The following ZNF875 variants were observed in gnomAD, a reference collection of about 807,000 sequenced individuals.
ZNF875 encodes the protein HKR1, GLI-Kruppel zinc finger family member.
In ZNF875, 14 loss-of-function variants were observed where a neutral mutation model predicts 11.2. The observed-to-expected ratio is 1.26, with a 90% CI of 0.83 to 1.96. The LOEUF (loss-of-function observed/expected upper bound fraction) is 1.96, where lower values mean the gene tolerates loss of function less well. Ranked by LOEUF, ZNF875 falls within the 30% of genes most tolerant of loss-of-function variation. The pLI, the probability that ZNF875 is intolerant of heterozygous loss-of-function variation, is 0.00. For synonymous variants in ZNF875, 301 were observed against 281.1 expected, an observed-to-expected ratio of 1.07 and a Z score of -0.71; for missense variants, 752 against 760.4, an observed-to-expected ratio of 0.99 and a Z score of 0.13.
rs1386784851 is a variant in ZNF875 at position 37,362,843 on chromosome 19, ACACAC to A, written c.992_996del (p.Thr331IlefsTer16). ...GTCGAACCTCTTTACACATCAGCGG[ACACAC>A]TCAGGGCTCAAGCCTTATGTGTGCA... On this transcript the variant is annotated frameshift_variant, in exon 5 of 5. Coordinates refer to ENST00000392153, the MANE Select transcript of ZNF875 (RefSeq NM_001353803.2). LOFTEE classifies it low-confidence loss of function (END_TRUNC). 6.2e-7 allele frequency: 1 copy of A among 1,614,050 alleles called. No individual in the cohort carries two copies. The highest frequency in any genetic ancestry group is 1.1e-5 in the South Asian group (1 of 91,064).
chr19:37,363,270 C>T lies in ZNF875; in HGVS notation c.1418C>T (p.Thr473Met), dbSNP rs761515101. The stretch of plus-strand genomic sequence containing the variant: ...CTTAACAAACACCAGAGGTCACACA[C>T]GGGGGAGAAGCCATTTGTATGTACG... ...SNLNKHQRSHTGEKPFVCTEC... is the reference protein window; with the variant it reads ...SNLNKHQRSHMGEKPFVCTEC... Residue 473 changes from threonine (T) to methionine (M), a missense_variant, in exon 5 of 5, where the codon ACG becomes ATG. By Grantham distance (81) the Thr-to-Met change is moderately conservative. Coordinates refer to ENST00000392153, the MANE Select transcript of ZNF875 (RefSeq NM_001353803.2). The T allele has an allele frequency of 3.9e-5, 63 of 1,613,570 alleles. 1 individual carries two copies. The highest frequency in any genetic ancestry group is 1.6e-4 in the Middle Eastern group (1 of 6,082).
chr19:37,357,455 A>C (rs1180901515), intron 4 of ZNF875, among the ~76,000 whole-genome samples: 1 of 152,154 alleles, frequency 6.6e-6, no homozygotes, highest in Non-Finnish European at 1.5e-5. Flanking sequence ...TTGATTCTTA[A>C]CAATCTATGA....
At chr19:37,313,539 T>G (rs1197463722), upstream of ZNF875, among the ~76,000 whole-genome samples, 1 of 152,122 alleles carries the variant, frequency 6.6e-6, no homozygotes, top group Non-Finnish European at 1.5e-5. Flanking sequence ...TGACCCTACA[T>G]ACCTACAATC....
intron 4 of ZNF875, among the ~76,000 whole-genome samples, chr19:37,355,339 G>A (rs999594368): frequency 3.3e-5 from 5 of 152,000 alleles, no homozygotes; most frequent in East Asian, 3.9e-4. Flanking sequence ...ACAGGTGCAC[G>A]CCACCATGCC....
At position 37,363,948 on chromosome 19, in the gene ZNF875, A is replaced by C; in HGVS notation, c.*173A>C. 1 of 597,582 alleles carries C rather than the reference A, an allele frequency of 1.7e-6. No individual in the cohort carries two copies. Among genetic ancestry groups the C allele is most frequent in the Non-Finnish European group, 3.0e-6 (1 of 334,504 alleles). The allele number at this position is 597,582 out of a possible 1,614,324, so 37.0% of individuals were successfully genotyped here. On this transcript the variant is annotated 3_prime_UTR_variant, in exon 5 of 5. Coordinates refer to ENST00000392153, the MANE Select transcript of ZNF875 (RefSeq NM_001353803.2). ...CTGTACTGGTAAGACTTGTATCTCCATCCACCTGAAGGAGAATTGCTGGCT... is the reference window on the plus strand; with the variant it reads ...CTGTACTGGTAAGACTTGTATCTCCCTCCACCTGAAGGAGAATTGCTGGCT...
chr19:37,327,794 T>A (rs1438717550), intron 4 of ZNF875, among the ~76,000 whole-genome samples: 1 of 151,196 alleles, frequency 6.6e-6, no homozygotes, highest in Non-Finnish European at 1.5e-5. Flanking sequence ...CTCGCTCGTA[T>A]CAAAAATGAA....
chr19:37,350,799 C>CTTTTTTT (rs61142979), intron 4 of ZNF875, among the ~76,000 whole-genome samples: 37 of 91,194 alleles, frequency 4.1e-4, no homozygotes, highest in East Asian at 1.3e-3. Context: ...ATTCTTTTTG[C>CTTTTTTT]TTTTTTTTTT....
At chr19:37,316,083 C>G (rs2030169811), upstream of ZNF875, among the ~76,000 whole-genome samples, 1 of 152,170 alleles carries the variant, frequency 6.6e-6, no homozygotes, top group Non-Finnish European at 1.5e-5. Flanking sequence ...TTAGTGGAAA[C>G]TGTTCTGGTT....
At chr19:37,314,405 T>C (rs1261378520), upstream of ZNF875, among the ~76,000 whole-genome samples, 1 of 152,248 alleles carries the variant, frequency 6.6e-6, no homozygotes, top group Non-Finnish European at 1.5e-5. Context: ...TGTGAGCCAC[T>C]GCACCCAGCT....
chr19:37,351,929 A>G (rs2037966364), intron 4 of ZNF875, among the ~76,000 whole-genome samples: 2 of 152,274 alleles, frequency 1.3e-5, no homozygotes, highest in African/African-American at 4.8e-5. Flanking sequence ...GATAGGTCAT[A>G]TTGGTAATAT....
At chr19:37,329,692 A>G (rs2033085270), upstream of ZNF875, among the ~76,000 whole-genome samples, 1 of 152,218 alleles carries the variant, frequency 6.6e-6, no homozygotes. Context: ...CGTATTAAAT[A>G]TCTTATTAAA....
At chr19:37,345,046 T>A (rs2036511848) in intron 2 of ZNF875, 2 of 352,808 alleles carry the variant, frequency 5.7e-6, no homozygotes, top group Non-Finnish European at 1.1e-5. Flanking sequence ...CTCATGAACT[T>A]TTCCTGATCC....
chr19:37,349,986 T>A (rs1200152404), intron 4 of ZNF875, among the ~76,000 whole-genome samples: 1 of 127,120 alleles, frequency 7.9e-6, no homozygotes, highest in Non-Finnish European at 1.6e-5. Flanking sequence ...TTTTTTTTAA[T>A]ACAGAGTCTC....
At chr19:37,350,108 T>C (rs2037578259) in intron 4 of ZNF875, among the ~76,000 whole-genome samples, 1 of 66,356 alleles carries the variant, frequency 1.5e-5, no homozygotes, top group African/African-American at 8.9e-5. Context: ...CCACTGGCCT[T>C]TTTTTTTTTT....
upstream of ZNF875, among the ~76,000 whole-genome samples, chr19:37,317,645 G>A (rs1238920511): frequency 6.6e-6 from 1 of 152,244 alleles, no homozygotes; most frequent in African/African-American, 2.4e-5. Context: ...GGCGCAGCGG[G>A]TAGACGTTCC....
upstream of ZNF875, among the ~76,000 whole-genome samples, chr19:37,313,623 AG>A (rs2030056023): frequency 1.3e-5 from 2 of 152,066 alleles, no homozygotes; most frequent in Non-Finnish European, 2.9e-5. Flanking sequence ...CTGTCACCCC[AG>A]GGACCTCAGA....
chr19:37,361,931 A>G (rs1186074458), intron 4 of ZNF875, 178 bp from the exon 5 acceptor site: 2 of 571,204 alleles, frequency 3.5e-6, no homozygotes, highest in African/African-American at 3.9e-5. Flanking sequence ...AAAACAAAAA[A>G]ACAAAAGAAA....
chr19:37,363,401 G>A lies in ZNF875; in HGVS notation c.1549G>A (p.Asp517Asn). The change falls in exon 5 of 5, where the codon GAT becomes AAT. Residue 517 changes from aspartate to asparagine, a missense_variant. By Grantham distance (23) the Asp-to-Asn change is conservative. Coordinates refer to ENST00000392153, the MANE Select transcript of ZNF875 (RefSeq NM_001353803.2). ...TGCTGAGTGTGGACGAGGCTTTAAT[G>A]ATAAGTCCACCCTCATTTCACACCA... The part of the protein sequence containing the change: ...VCAECGRGFN[D>N]KSTLISHQRT... The A allele has an allele frequency of 2.5e-6, 4 of 1,612,830 alleles. No homozygotes were observed. The highest frequency in any genetic ancestry group is 3.4e-6 in the Non-Finnish European group (4 of 1,179,628).
chr19:37,350,088 C>T (rs928165493), intron 4 of ZNF875, among the ~76,000 whole-genome samples: 1 of 145,112 alleles, frequency 6.9e-6, no homozygotes, highest in Non-Finnish European at 1.5e-5. Flanking sequence ...TGAGCCACCA[C>T]GCCCGGCCCC....
Sources: gnomAD v4.1 joint callset for allele counts (sites outside exome capture counted in the v4.1 genomes callset) on GRCh38, gnomAD v4.1.1 for gene constraint, MANE v1.5 for transcripts, NCBI Gene and HGNC (gene_info 2026-07-23, HGNC 2026-07-21) for gene names.